GALC: variants seen among roughly 807,000 people sequenced by gnomAD.
GALC encodes galactosylceramidase, also known as galactocerebrosidase.
In GALC, 77 loss-of-function variants were observed where a neutral mutation model predicts 91.8. The observed-to-expected ratio is 0.84, with a 90% CI of 0.70 to 1.01. The LOEUF (loss-of-function observed/expected upper bound fraction) is 1.01. Among genes scored for constraint, GALC ranks in the 50% least tolerant of loss-of-function variants. GALC has a pLI of 0.00. For synonymous variants in GALC, 357 were observed against 306.7 expected (o/e 1.16, Z -1.71); for missense variants, 882 against 855.9 (o/e 1.03, Z -0.38).
intron 13 of GALC, among the ~76,000 whole-genome samples, chr14:87,946,475 T>C (rs924512181): frequency 6.6e-6 from 1 of 150,994 alleles, no homozygotes; most frequent in African/African-American, 2.4e-5. Context: ...TTTAGAACCC[T>C]AACAAGTATC....
chr14:87,968,331 T>G lies in GALC; in HGVS notation c.908+4A>C. ...AGAACTCTAAAAGGTTTTTAATAAC[T>G]TACGAAGTCATATAGCCATTGATAT... On this transcript the variant is annotated splice_donor_region_variant and intron_variant, in intron 8 of 16. Transcript: ENST00000261304. 6.2e-7 allele frequency: 1 copy of G among 1,607,930 alleles called. No homozygotes were observed. The highest frequency in any genetic ancestry group is 8.5e-7 in the Non-Finnish European group (1 of 1,177,054).
At chr14:87,967,914 T>C (rs1457819349) in intron 8 of GALC, among the ~76,000 whole-genome samples, 4 of 152,264 alleles carry the variant, frequency 2.6e-5, no homozygotes, top group Admixed American at 6.5e-5. Context: ...AATCTGAATA[T>C]AGACTGAGAA....
In GALC at chr14:87,934,785, G is replaced by C; in HGVS notation, c.2005C>G (p.His669Asp). Residue 669 changes from histidine to aspartate, a missense_variant, in exon 17 of 17, where the codon CAC (histidine) becomes GAC (aspartate). By Grantham distance (81) the His-to-Asp change is moderately conservative. Transcript: ENST00000261304. The stretch of plus-strand genomic sequence containing the variant: ...TCAAACTGTGCAAATTCAAAGGAGT[G>C]AGTTCCAATTGCAGCCCAGCCATTC... Reference protein sequence around the residue: ...PKNGWAAIGTHSFEFAQFDNF... With the variant: ...PKNGWAAIGTDSFEFAQFDNF... The C allele has an allele frequency of 6.2e-7, 1 of 1,613,010 alleles. No homozygotes were observed. Among genetic ancestry groups the C allele is most frequent in the Non-Finnish European group, 8.5e-7 (1 of 1,179,222 alleles).
upstream of GALC, chr14:87,993,378 C>G: frequency 6.5e-7 from 1 of 1,535,812 alleles, no homozygotes. Context: ...TTCACATGTA[C>G]TTACTGCTGG....
chr14:87,993,627 G>A (rs181956126), upstream of GALC: 530 of 661,880 alleles, frequency 8.0e-4, 3 homozygotes, highest in African/African-American at 8.2e-3. Context: ...GGCGAGAAGA[G>A]CAGCAGAGTG....
intron 16 of GALC, among the ~76,000 whole-genome samples, chr14:87,939,116 T>C (rs754778295): frequency 6.6e-6 from 1 of 151,992 alleles, no homozygotes; most frequent in Non-Finnish European, 1.5e-5. Flanking sequence ...AATATTATTA[T>C]AATTGCTATA....
chr14:87,943,922 A>G (rs564743194), intron 14 of GALC, among the ~76,000 whole-genome samples: 1 of 152,142 alleles, frequency 6.6e-6, no homozygotes, highest in East Asian at 1.9e-4. Context: ...AAACACAGGT[A>G]GCAGGACAGA....
intron 7 of GALC, among the ~76,000 whole-genome samples, chr14:87,970,292 T>C (rs1360674006): frequency 6.6e-6 from 1 of 152,166 alleles, no homozygotes; most frequent in Admixed American, 6.5e-5. Flanking sequence ...TAAAGTAATA[T>C]GCTAGCATGT....
At position 87,934,106 on chromosome 14, in the gene GALC, G is replaced by A. The variant is rs432946; in HGVS notation, c.*626C>T. The A allele has an allele frequency of 0.47, 697,588 of 1,496,608 alleles. 166,121 individuals carry two copies. Among genetic ancestry groups the A allele is most frequent in the African/African-American group, 0.61 (43,511 of 71,868 alleles). The allele number at this position is 1,496,608 out of a possible 1,614,324, so 92.7% of individuals were successfully genotyped here. A position where few individuals can be genotyped will look rare whatever the true frequency, so the allele number is the denominator to read the frequency against. On this transcript the variant is annotated 3_prime_UTR_variant, in exon 17 of 17. Transcript: ENST00000261304. ...AATTAATCTGCTAATATCTATTACT[G>A]CAGAAATAGTGTTAGAGGTAGTTTA... is the stretch of plus-strand genomic sequence containing the variant.
chr14:87,985,776 C>T (rs965225246), intron 4 of GALC, among the ~76,000 whole-genome samples: 4 of 152,196 alleles, frequency 2.6e-5, no homozygotes, highest in Admixed American at 6.5e-5. Flanking sequence ...TATCCCATCA[C>T]TCTTGATGTT....
chr14:87,947,968 A>C, intron 12 of GALC, 90 bp from the exon 13 acceptor site: 1 of 1,169,894 alleles, frequency 8.5e-7, no homozygotes, highest in Non-Finnish European at 1.3e-6. Flanking sequence ...AGCTTAAAGA[A>C]AAGTCCAAAT....
chr14:87,948,495 A>G (rs1301478808), intron 12 of GALC, among the ~76,000 whole-genome samples: 2 of 152,086 alleles, frequency 1.3e-5, no homozygotes, highest in Non-Finnish European at 2.9e-5. Context: ...TAATGCTTTT[A>G]AAGTGCTAAG....
chr14:87,955,918 C>T (rs796309929), intron 10 of GALC, among the ~76,000 whole-genome samples: 4 of 149,380 alleles, frequency 2.7e-5, no homozygotes, highest in African/African-American at 7.4e-5. Flanking sequence ...CAGAGTATGC[C>T]GAGTATTAAT....
At chr14:87,963,851 A>C (rs1885915499) in intron 9 of GALC, among the ~76,000 whole-genome samples, 1 of 152,114 alleles carries the variant, frequency 6.6e-6, no homozygotes, top group African/African-American at 2.4e-5. Flanking sequence ...TACCAAAAAA[A>C]GGTTTAAAAA....
intron 13 of GALC, among the ~76,000 whole-genome samples, chr14:87,947,522 A>T (rs565789162): frequency 5.3e-5 from 8 of 152,012 alleles, no homozygotes; most frequent in Non-Finnish European, 1.2e-4. Context: ...TTTTTTTCTG[A>T]AACTGAAAAA....
At chr14:87,992,018 C>T (rs1405962195) in intron 1 of GALC, among the ~76,000 whole-genome samples, 1 of 152,134 alleles carries the variant, frequency 6.6e-6, no homozygotes, top group Non-Finnish European at 1.5e-5. Context: ...CACATCAGCA[C>T]GGCTGGAGAG....
intron 16 of GALC, 92 bp from the exon 17 acceptor site, chr14:87,934,970 A>G (rs1405056825): frequency 1.7e-5 from 15 of 892,822 alleles, no homozygotes; most frequent in Non-Finnish European, 2.8e-5. Flanking sequence ...TACTTAGTGG[A>G]GCAAATGTAC....
At position 87,939,908 on chromosome 14, in the gene GALC, A is replaced by T; in HGVS notation, c.1908T>A (p.Ile636=). 1 of 1,600,968 alleles carries T rather than the reference A, an allele frequency of 6.2e-7. No homozygotes were observed. ...AKKWYTLTLT[I]KGHFTSGMLN... ...GACTCCAATCAGCAATACTTACCTTAATAGTTAACGTGAGTGTATACCATT... is the reference window on the plus strand; with the variant it reads ...GACTCCAATCAGCAATACTTACCTTTATAGTTAACGTGAGTGTATACCATT... The change falls in exon 16 of 17, where the codon ATT becomes ATA. Residue 636 remains isoleucine (I), a synonymous_variant. Coordinates refer to ENST00000261304, the MANE Select transcript of GALC (RefSeq NM_000153.4).
chr14:87,934,213 T>C lies in GALC; in HGVS notation c.*519A>G. 1.4e-6 allele frequency: 2 copies of C among 1,392,864 alleles called. No homozygotes were observed. Among genetic ancestry groups the C allele is most frequent in the Non-Finnish European group, 1.9e-6 (2 of 1,076,392 alleles). 86.3% of individuals were successfully genotyped at this position (1,392,864 alleles called of 1,614,324 possible). A position where few individuals can be genotyped will look rare whatever the true frequency, so the allele number is the denominator to read the frequency against. On this transcript the variant is annotated 3_prime_UTR_variant, in exon 17 of 17. Coordinates refer to ENST00000261304, the MANE Select transcript of GALC (RefSeq NM_000153.4). ...CATCTTAAAAAGGAAAATAAAAAAA[T>C]ACTTTTTAGAGCATAAAGCATAACA...
Sources: gnomAD v4.1 joint callset for allele counts (sites outside exome capture counted in the v4.1 genomes callset) on GRCh38, gnomAD v4.1.1 for gene constraint, MANE v1.5 for transcripts, NCBI Gene and HGNC (gene_info 2026-07-23, HGNC 2026-07-21) for gene names.